The following MIER1 variants were observed in gnomAD, a reference collection of about 807,000 sequenced individuals.
MIER1 encodes mesoderm induction early response protein 1.
Under a neutral mutation model 75.7 loss-of-function variants are expected in MIER1, and 40 were observed. The observed-to-expected ratio is 0.53, with a 90% confidence interval of 0.41 to 0.69. MIER1 has a LOEUF of 0.69. MIER1 is among the 30% of genes least tolerant of loss of function. The probability of loss-of-function intolerance (pLI) is 0.00; values close to 1 mark genes in which losing one functional copy is unlikely to be tolerated. For synonymous variants in MIER1, 213 were observed against 223.4 expected (o/e 0.95, Z 0.42); for missense variants, 574 against 680.2 (o/e 0.84, Z 1.74).
intron 8 of MIER1, among the ~76,000 whole-genome samples, chr1:66,969,645 G>A (rs941895368): frequency 3.3e-5 from 5 of 149,460 alleles, no homozygotes; most frequent in Non-Finnish European, 7.4e-5. Flanking sequence ...AAATTTTGAC[G>A]CTGTTAGTTA....
chr1:66,971,030 G>A, intron 9 of MIER1, 71 bp downstream of exon 9: 1 of 1,396,524 alleles, frequency 7.2e-7, no homozygotes, highest in Non-Finnish European at 9.6e-7. Context: ...CACTTGCATT[G>A]TTGTTATTCT....
chr1:66,987,024 A>G lies in MIER1; in HGVS notation c.*2124A>G, dbSNP rs911349753. On this transcript the variant is annotated 3_prime_UTR_variant, in exon 14 of 14. Coordinates refer to ENST00000401041, the MANE Select transcript of MIER1 (RefSeq NM_001077700.3). The stretch of plus-strand genomic sequence containing the variant: ...TGAAGTTCTTGCAAACTCTTACTAC[A>G]GAAATGTTTTAAATACATTCTCAGG... 3 of 151,986 alleles carry G rather than the reference A, an allele frequency of 2.0e-5. No homozygotes were observed. Among genetic ancestry groups the G allele is most frequent in the African/African-American group, 7.3e-5 (3 of 41,196 alleles). 9.4% of individuals were successfully genotyped at this position (151,986 alleles called of 1,614,324 possible). A position where few individuals can be genotyped will look rare whatever the true frequency, so the allele number is the denominator to read the frequency against.
intron 8 of MIER1, among the ~76,000 whole-genome samples, chr1:66,963,422 A>G (rs1188834783): frequency 6.6e-6 from 1 of 152,216 alleles, no homozygotes; most frequent in Non-Finnish European, 1.5e-5. Context: ...CAATGTCTCA[A>G]CAGTTTTTTT....
intron 11 of MIER1, among the ~76,000 whole-genome samples, chr1:66,974,046 G>A (rs185257729): frequency 6.6e-6 from 1 of 151,336 alleles, no homozygotes; most frequent in Admixed American, 6.6e-5. Flanking sequence ...AAATCCTGTG[G>A]GTTCATTTCT....
At chr1:66,930,538 T>C (rs1445967134) in intron 2 of MIER1, 19 of 908,186 alleles carry the variant, frequency 2.1e-5, no homozygotes, top group Middle Eastern at 3.5e-4. Context: ...GAACAGGCCA[T>C]TCTCTGGGCG....
At chr1:66,957,366 C>A (rs898554928) in intron 4 of MIER1, among the ~76,000 whole-genome samples, 11 of 152,106 alleles carry the variant, frequency 7.2e-5, no homozygotes, top group Non-Finnish European at 1.5e-4. Flanking sequence ...CTGTTTAAAT[C>A]TGGCTCTACT....
intron 11 of MIER1, among the ~76,000 whole-genome samples, chr1:66,974,029 T>A (rs1467413142): frequency 2.0e-5 from 3 of 152,090 alleles, no homozygotes; most frequent in African/African-American, 4.8e-5. Flanking sequence ...ATTAATAAAA[T>A]ATTTACAAAT....
At position 66,986,556 on chromosome 1, in the gene MIER1, C is replaced by A; in HGVS notation, c.*1656C>A. ...TGCACTGAGAAATTAGCATTCAGGC[C>A]TTACCCCCATGAAGTATTACTGTTA... On this transcript the variant is annotated 3_prime_UTR_variant, in exon 14 of 14. Transcript: ENST00000401041. 1 of 1,044,198 alleles carries A rather than the reference C, an allele frequency of 9.6e-7. No homozygotes were observed. The highest frequency in any genetic ancestry group is 1.5e-6 in the Non-Finnish European group (1 of 668,288). 64.7% of individuals were successfully genotyped at this position (1,044,198 alleles called of 1,614,324 possible).
At chr1:66,929,154 A>G in intron 2 of MIER1, 1 of 640,674 alleles carries the variant, frequency 1.6e-6, no homozygotes, top group Non-Finnish European at 2.8e-6. Flanking sequence ...ATTATAAGTT[A>G]AGTATTAACT....
In MIER1 at chr1:66,962,086, C is replaced by G. The variant is rs79260557; in HGVS notation, c.700-1002C>G. On this transcript the variant is annotated intron_variant, in intron 7 of 13. Coordinates refer to ENST00000401041, the MANE Select transcript of MIER1 (RefSeq NM_001077700.3). ...TTTTGAAAATGTCAGTAAATGTGTT[C>G]TTAACATTTAGCCATCACACAAAAG... is the stretch of plus-strand genomic sequence containing the variant. Among the ~76,000 whole-genome samples, 7 of 152,194 alleles carry G rather than the reference C, an allele frequency of 4.6e-5. No homozygotes were observed. The South Asian group carries it at 1.5e-3, about 32-fold the overall frequency.
At chr1:66,978,695 A>G (rs758183460) in intron 12 of MIER1, among the ~76,000 whole-genome samples, 16 of 152,200 alleles carry the variant, frequency 1.1e-4, no homozygotes, top group Non-Finnish European at 1.8e-4. Flanking sequence ...AGCTACATTC[A>G]GTCTGTAATC....
At chr1:66,963,222 T>C in intron 8 of MIER1, 62 bp downstream of exon 8, 2 of 1,058,654 alleles carry the variant, frequency 1.9e-6, no homozygotes, top group South Asian at 1.3e-5. Context: ...ACTGTTACTT[T>C]ATATGTAAAA....
rs781066722 is a variant in MIER1, at chr1:66,958,862, A to G, written c.513A>G (p.Ile171Met). ...TTATTATTCCACAGGAGGAGAATAT[A>G]AAGGATTCATCAGGTCAGGAGGATG... is the stretch of plus-strand genomic sequence containing the variant. Reference protein sequence around the residue: ...GCSGENKEENIKDSSGQEDET... With the variant: ...GCSGENKEENMKDSSGQEDET... The change falls in exon 6 of 14, where the codon ATA (isoleucine) becomes ATG (methionine). Residue 171 changes from isoleucine (I) to methionine (M), a missense_variant. By Grantham distance (10) the Ile-to-Met change is conservative. Transcript: ENST00000401041. The G allele has an allele frequency of 8.1e-6, 13 of 1,608,030 alleles. No homozygotes were observed. The Admixed American group carries it at 1.3e-4, about 17-fold the overall frequency.
At chr1:66,941,987 A>AAAAAC (rs1656348571) in intron 3 of MIER1, among the ~76,000 whole-genome samples, 1 of 151,184 alleles carries the variant, frequency 6.6e-6, no homozygotes, top group African/African-American at 2.4e-5. Flanking sequence ...AAAAAAAAAA[A>AAAAAC]CAGTCTTTGA....
chr1:66,975,531 A>G (rs1156331242), intron 11 of MIER1, among the ~76,000 whole-genome samples: 1 of 142,080 alleles, frequency 7.0e-6, no homozygotes, highest in Non-Finnish European at 1.6e-5. Flanking sequence ...ATCTCAAAAA[A>G]AAAAGAAAAA....
intron 3 of MIER1, among the ~76,000 whole-genome samples, chr1:66,943,175 C>G (rs751130001): frequency 3.9e-5 from 6 of 152,094 alleles, no homozygotes; most frequent in East Asian, 1.9e-4. Context: ...GCTGGGTGAA[C>G]TAAAAAGTTT....
chr1:66,926,546 AATG>A (rs1651836659), intron 2 of MIER1, among the ~76,000 whole-genome samples: 1 of 152,206 alleles, frequency 6.6e-6, no homozygotes, highest in African/African-American at 2.4e-5. Flanking sequence ...AATAACAAAA[AATG>A]AAACTAACGA....
rs772406383 is a variant in MIER1, at chr1:66,971,609, A to G, written c.925-46A>G. On this transcript the variant is annotated intron_variant, in intron 9 of 13. Transcript: ENST00000401041. ...AACTTTTAAGAAATTGTAGCATTGAACTGTTTATAGTCCTTGTCACATATT... is the reference window on the plus strand; with the variant it reads ...AACTTTTAAGAAATTGTAGCATTGAGCTGTTTATAGTCCTTGTCACATATT... The G allele has an allele frequency of 1.4e-5, 13 of 937,610 alleles. No individual in the cohort carries two copies. The African/African-American group carries it at 2.0e-4, about 15-fold the overall frequency. 58.1% of individuals were successfully genotyped at this position (937,610 alleles called of 1,614,324 possible).
intron 8 of MIER1, among the ~76,000 whole-genome samples, chr1:66,968,586 C>T (rs949330497): frequency 6.6e-6 from 1 of 152,070 alleles, no homozygotes; most frequent in African/African-American, 2.4e-5. Context: ...TTTCTCTCTG[C>T]CATCCGACTT....
Sources: gnomAD v4.1 joint callset for allele counts (sites outside exome capture counted in the v4.1 genomes callset) on GRCh38, gnomAD v4.1.1 for gene constraint, MANE v1.5 for transcripts, NCBI Gene and HGNC (gene_info 2026-07-23, HGNC 2026-07-21) for gene names.